ATXN2: variants seen among roughly 807,000 people sequenced by gnomAD.
ATXN2 encodes the protein ataxin 2.
Under a neutral mutation model 138.6 loss-of-function variants are expected in ATXN2, and 37 were observed. That is an observed-to-expected ratio of 0.27 (90% confidence interval 0.21 to 0.35). The LOEUF is 0.35. ATXN2 is among the 10% of genes least tolerant of loss of function. ATXN2 has a pLI of 1.00. For missense variants in ATXN2, 1,216 were observed against 1,480.3 expected, an observed-to-expected ratio of 0.82 and a Z score of 2.93; for synonymous variants, 549 against 543.7, an observed-to-expected ratio of 1.01 and a Z score of -0.13.
intron 18 of ATXN2, among the ~76,000 whole-genome samples, chr12:111,481,002 T>A (rs183799772): frequency 6.6e-6 from 1 of 152,150 alleles, no homozygotes; most frequent in African/African-American, 2.4e-5. Context: ...AAGAACACCA[T>A]CAAGCAAGTA....
intron 5 of ATXN2, among the ~76,000 whole-genome samples, chr12:111,550,851 T>G (rs906513803): frequency 6.6e-6 from 1 of 152,168 alleles, no homozygotes; most frequent in African/African-American, 2.4e-5. Context: ...TGGTATATTA[T>G]TATTTCCAAG....
At chr12:111,501,080 T>G (rs1036472347) in intron 14 of ATXN2, among the ~76,000 whole-genome samples, 1 of 152,116 alleles carries the variant, frequency 6.6e-6, no homozygotes, top group African/African-American at 2.4e-5. Flanking sequence ...CCTAATGTGA[T>G]TATTACACAT....
At chr12:111,565,326 A>G (rs1882935493) in intron 1 of ATXN2, among the ~76,000 whole-genome samples, 1 of 152,184 alleles carries the variant, frequency 6.6e-6, no homozygotes. Context: ...CCGTATTTCC[A>G]GTAACATGTG....
intron 5 of ATXN2, among the ~76,000 whole-genome samples, chr12:111,539,182 C>G (rs1003134109): frequency 1.3e-5 from 2 of 150,098 alleles, no homozygotes; most frequent in African/African-American, 4.9e-5. Context: ...TGTGCCATCT[C>G]AAAATATGAA....
intron 23 of ATXN2, chr12:111,455,148 G>A (rs1874979019): frequency 1.4e-6 from 1 of 702,520 alleles, no homozygotes; most frequent in Non-Finnish European, 2.6e-6. Context: ...AATTCATTGT[G>A]GCAGGTCTCA....
At chr12:111,571,506 C>T (rs1176467202) in intron 1 of ATXN2, among the ~76,000 whole-genome samples, 1 of 151,670 alleles carries the variant, frequency 6.6e-6, no homozygotes, top group African/African-American at 2.4e-5. Context: ...TCTCGAATGG[C>T]AGAACAATGA....
At chr12:111,464,872 A>T (rs767355557) in intron 20 of ATXN2, among the ~76,000 whole-genome samples, 157 bp from the exon 21 acceptor site, 1 of 152,250 alleles carries the variant, frequency 6.6e-6, no homozygotes, top group African/African-American at 2.4e-5. Context: ...ACAGAATTTT[A>T]AAAGAAAGGA....
intron 5 of ATXN2, among the ~76,000 whole-genome samples, chr12:111,528,373 G>A (rs577113716): frequency 1.0e-3 from 157 of 152,238 alleles, no homozygotes; most frequent in African/African-American, 3.7e-3. Flanking sequence ...TGTTTTTACA[G>A]TATTATTCTA....
At chr12:111,517,435 T>G (rs1879916348) in intron 9 of ATXN2, among the ~76,000 whole-genome samples, 1 of 152,130 alleles carries the variant, frequency 6.6e-6, no homozygotes, top group Admixed American at 6.5e-5. Context: ...AAACTTAGTG[T>G]TCTCTATTTT....
intron 6 of ATXN2, among the ~76,000 whole-genome samples, chr12:111,524,928 T>C (rs979842955): frequency 6.6e-6 from 1 of 152,210 alleles, no homozygotes; most frequent in Non-Finnish European, 1.5e-5. Context: ...AAGCTACTTC[T>C]TATTATTTAT....
At position 111,598,448 on chromosome 12, in the gene ATXN2, G is replaced by A. The variant is rs1281462777; in HGVS notation, c.251+336C>T. On this transcript the variant is annotated intron_variant, in intron 1 of 24. Coordinates refer to ENST00000673436, the MANE Select transcript of ATXN2 (RefSeq NM_001372574.1). The surrounding 1 kb of genome is among the most constrained non-coding windows in gnomAD (Gnocchi z 4.5). The stretch of plus-strand genomic sequence containing the variant: ...ATCCCCACGCTGCGGGCGGAGGATC[G>A]TGCGGAAGGGGGAGCCGGGGCTGAC... 53 of 985,402 alleles carry A rather than the reference G, an allele frequency of 5.4e-5. No homozygotes were observed. The highest frequency in any genetic ancestry group is 6.0e-5 in the Non-Finnish European group (50 of 830,106). The allele number at this position is 985,402 out of a possible 1,614,324, so 61.0% of individuals were successfully genotyped here. A position where few individuals can be genotyped will look rare whatever the true frequency, so the allele number is the denominator to read the frequency against.
At chr12:111,476,159 C>T (rs1042972633) in intron 18 of ATXN2, among the ~76,000 whole-genome samples, 2 of 152,148 alleles carry the variant, frequency 1.3e-5, no homozygotes, top group Admixed American at 1.3e-4. Context: ...TCCTACATCA[C>T]CCAGGTTGGT....
intron 15 of ATXN2, 91 bp downstream of exon 15, chr12:111,488,385 T>C (rs1877778633): frequency 1.5e-6 from 2 of 1,344,920 alleles, no homozygotes; most frequent in African/African-American, 1.5e-5. Flanking sequence ...AAAGTCCAGA[T>C]GGATTCTTCA....
chr12:111,533,561 T>C (rs1880968167), intron 5 of ATXN2, among the ~76,000 whole-genome samples: 1 of 152,058 alleles, frequency 6.6e-6, no homozygotes. Context: ...TCTCACACTC[T>C]GTTGCGCAGG....
chr12:111,539,564 G>A (rs547050840), intron 5 of ATXN2, among the ~76,000 whole-genome samples: 13 of 149,966 alleles, frequency 8.7e-5, no homozygotes, highest in African/African-American at 2.9e-4. Context: ...TGGCTAACAC[G>A]GTGAAACCCC....
At chr12:111,532,726 C>A (rs1880904410) in intron 5 of ATXN2, among the ~76,000 whole-genome samples, 1 of 151,950 alleles carries the variant, frequency 6.6e-6, no homozygotes, top group South Asian at 2.1e-4. Context: ...TGAGAATCCA[C>A]AGATCCAGGT....
rs373462283 is a variant in ATXN2 at position 111,559,367 on chromosome 12, G to A, written c.252-3448C>T. Among the ~76,000 whole-genome samples, 36 of 151,736 alleles carry A rather than the reference G, an allele frequency of 2.4e-4. 2 individuals are homozygous for A. Among genetic ancestry groups the A allele is most frequent in the African/African-American group, 8.2e-4 (34 of 41,460 alleles). On this transcript the variant is annotated intron_variant, in intron 1 of 24. Transcript: ENST00000673436. ...ACCCACCTCAGCCTCCCAAAGTGCT[G>A]GGATTACAGGCGTGAGCTACCACGC...
At chr12:111,579,238 T>G (rs575003532) in intron 1 of ATXN2, among the ~76,000 whole-genome samples, 1 of 152,276 alleles carries the variant, frequency 6.6e-6, no homozygotes, top group East Asian at 1.9e-4. Flanking sequence ...ACACAAAACC[T>G]GTACATAAAT....
rs1004246392 is a variant in ATXN2, at chr12:111,585,438, G to A, written c.251+13346C>T. Among the ~76,000 whole-genome samples the A allele has an allele frequency of 6.6e-5, 10 of 152,040 alleles. No homozygotes were observed. In the South Asian group the frequency reaches 1.9e-3, roughly 28 times the overall value. On this transcript the variant is annotated intron_variant, in intron 1 of 24. Transcript: ENST00000673436. ...AGAGGCAGGAAAATCGCTAGAAGCTGGGAGGCAGAGGTTGCAGTGGGCCAA... is the reference window on the plus strand; with the variant it reads ...AGAGGCAGGAAAATCGCTAGAAGCTAGGAGGCAGAGGTTGCAGTGGGCCAA...
Sources: allele counts gnomAD v4.1 joint callset (sites outside exome capture counted in the v4.1 genomes callset), GRCh38; gene constraint gnomAD v4.1.1; non-coding constraint Gnocchi (gnomAD v3.1); transcripts MANE v1.5; gene names NCBI Gene and HGNC (gene_info 2026-07-23, HGNC 2026-07-21).